CMIP: variants seen among roughly 807,000 people sequenced by gnomAD.
The protein encoded by CMIP is C-Maf-inducing protein.
In CMIP, 13 loss-of-function variants were observed where a neutral mutation model predicts 97.3. That is an observed-to-expected ratio of 0.13 (90% CI 0.09 to 0.21). The LOEUF (loss-of-function observed/expected upper bound fraction) is 0.21, where lower values mean the gene tolerates loss of function less well. Ranked by LOEUF, CMIP falls within the 10% of genes least tolerant of loss-of-function variation. The pLI is 1.00. For missense variants in CMIP, 847 were observed against 1,024.9 expected (o/e 0.83, Z 2.37); for synonymous variants, 538 against 436.3 (o/e 1.23, Z -2.91).
chr16:81,473,646 GA>G (rs1907696807), intron 1 of CMIP, among the ~76,000 whole-genome samples: 2 of 151,970 alleles, frequency 1.3e-5, no homozygotes, highest in Non-Finnish European at 2.9e-5. Context: ...GCTTGTGTTG[GA>G]ATGGGGTGAT....
chr16:81,629,263 T>A (rs571610081), intron 3 of CMIP, among the ~76,000 whole-genome samples: 2 of 151,234 alleles, frequency 1.3e-5, no homozygotes, highest in Non-Finnish European at 2.9e-5. Flanking sequence ...GCACAGCCGC[T>A]GTCAGACCAC....
At chr16:81,542,250 A>G (rs187873509) in intron 1 of CMIP, among the ~76,000 whole-genome samples, 1 of 152,330 alleles carries the variant, frequency 6.6e-6, no homozygotes, top group East Asian at 1.9e-4. Context: ...AGCTCTGTGA[A>G]AATGGGAGCC....
chr16:81,709,685 A>ACTGG, intron 20 of CMIP, 61 bp from the exon 21 acceptor site: 1 of 1,585,056 alleles, frequency 6.3e-7, no homozygotes, highest in Non-Finnish European at 8.7e-7. Flanking sequence ...GGAGCCAGGC[A>ACTGG]CTGGCAGCTT....
At chr16:81,481,811 G>A (rs916075927) in intron 1 of CMIP, among the ~76,000 whole-genome samples, 11 of 151,758 alleles carry the variant, frequency 7.2e-5, no homozygotes, top group Non-Finnish European at 1.3e-4. Context: ...TCCTTCCCTC[G>A]TGGCAGCATC....
chr16:81,480,181 C>T (rs980541798), intron 1 of CMIP, among the ~76,000 whole-genome samples: 1 of 152,186 alleles, frequency 6.6e-6, no homozygotes, highest in Non-Finnish European at 1.5e-5. Context: ...ATATTATCTC[C>T]ATTTTGTGGA....
intron 1 of CMIP, among the ~76,000 whole-genome samples, chr16:81,581,391 G>A (rs969333962): frequency 3.3e-5 from 5 of 152,084 alleles, no homozygotes; most frequent in Non-Finnish European, 5.9e-5. Context: ...TGTGAGGTGC[G>A]GCTTATTGTT....
At chr16:81,547,245 G>T (rs777056267) in intron 1 of CMIP, among the ~76,000 whole-genome samples, 8 of 152,198 alleles carry the variant, frequency 5.3e-5, no homozygotes, top group Non-Finnish European at 1.0e-4. Context: ...GACGGAAGGG[G>T]TTCAGCGCGG....
At chr16:81,703,277 C>A (rs893139524) in intron 17 of CMIP, among the ~76,000 whole-genome samples, 1 of 152,090 alleles carries the variant, frequency 6.6e-6, no homozygotes, top group Non-Finnish European at 1.5e-5. Flanking sequence ...ACTAAATCAG[C>A]CTTCATTCCG....
At chr16:81,635,762 CG>C (rs1382705012) in intron 3 of CMIP, among the ~76,000 whole-genome samples, 1 of 152,142 alleles carries the variant, frequency 6.6e-6, no homozygotes, top group East Asian at 1.9e-4. Flanking sequence ...TTCAGGGTGG[CG>C]GGGACAGCTC....
intron 1 of CMIP, among the ~76,000 whole-genome samples, chr16:81,555,302 C>T (rs894392010): frequency 3.9e-5 from 6 of 152,166 alleles, no homozygotes; most frequent in Admixed American, 2.0e-4. Context: ...GAGTGGGTCA[C>T]CATAGCTCTG....
intron 1 of CMIP, among the ~76,000 whole-genome samples, chr16:81,556,066 T>G (rs1482841568): frequency 2.0e-5 from 3 of 152,172 alleles, no homozygotes; most frequent in Non-Finnish European, 4.4e-5. Context: ...ATTTTTTCCC[T>G]GGAAAATGCA....
At chr16:81,522,639 C>CA (rs1257204246) in intron 1 of CMIP, among the ~76,000 whole-genome samples, 1 of 151,238 alleles carries the variant, frequency 6.6e-6, no homozygotes, top group Admixed American at 6.6e-5. Flanking sequence ...AACAAATAAA[C>CA]AAGCAAACAG....
intron 1 of CMIP, among the ~76,000 whole-genome samples, chr16:81,522,360 C>T (rs1172955426): frequency 6.6e-6 from 1 of 152,188 alleles, no homozygotes; most frequent in Non-Finnish European, 1.5e-5. Flanking sequence ...CCAGAGCTCC[C>T]TGAGGGTCTA....
rs530801539 is a variant in CMIP, at chr16:81,527,148, G to A, written c.301-80419G>A. ...ACAGAATTTCTCAGCTCTCCAGCTC[G>A]TTGGCTCAAAGTGTGTCAGGAAAGG... On this transcript the variant is annotated intron_variant, in intron 1 of 20. Transcript: ENST00000537098. Among the ~76,000 whole-genome samples, 11 of 152,316 alleles carry A rather than the reference G, an allele frequency of 7.2e-5. No individual in the cohort carries two copies. In the South Asian group the frequency reaches 8.3e-4, roughly 11 times the overall value.
At chr16:81,588,103 A>G (rs1567596154) in intron 1 of CMIP, among the ~76,000 whole-genome samples, 1 of 152,080 alleles carries the variant, frequency 6.6e-6, no homozygotes, top group Admixed American at 6.5e-5. Context: ...TTCAGAGCTG[A>G]GACACTGTGT....
intron 9 of CMIP, among the ~76,000 whole-genome samples, chr16:81,676,446 C>G (rs1012515798): frequency 1.3e-5 from 2 of 152,144 alleles, no homozygotes; most frequent in Admixed American, 6.5e-5. Flanking sequence ...GCGTGGCTCT[C>G]TTGAAAATCA....
At chr16:81,672,252 G>A (rs1170550231) in intron 9 of CMIP, among the ~76,000 whole-genome samples, 182 bp downstream of exon 9, 1 of 152,240 alleles carries the variant, frequency 6.6e-6, no homozygotes, top group African/African-American at 2.4e-5. Flanking sequence ...AGAAGCCAGG[G>A]ATGCTGCTGA....
At chr16:81,664,431 A>C in intron 7 of CMIP, 82 bp downstream of exon 7, 1 of 1,372,814 alleles carries the variant, frequency 7.3e-7, no homozygotes, top group Non-Finnish European at 1.0e-6. Flanking sequence ...TTGCGTTGGC[A>C]CAGATTTGGG....
intron 1 of CMIP, among the ~76,000 whole-genome samples, chr16:81,507,655 C>T (rs999713839): frequency 6.6e-6 from 1 of 152,144 alleles, no homozygotes; most frequent in African/African-American, 2.4e-5. Context: ...ATTCAGGAGT[C>T]ATTGGAGATA....
Sources: gnomAD v4.1 joint callset for allele counts (sites outside exome capture counted in the v4.1 genomes callset) on GRCh38, gnomAD v4.1.1 for gene constraint, MANE v1.5 for transcripts, NCBI Gene and HGNC (gene_info 2026-07-23, HGNC 2026-07-21) for gene names.